NCOA2: variants seen among roughly 807,000 people sequenced by gnomAD.
The protein encoded by NCOA2 is class E basic helix-loop-helix protein 75.
A neutral mutation model predicts 145.1 loss-of-function variants in NCOA2; 21 were observed. The observed-to-expected ratio is 0.14, with a 90% CI of 0.10 to 0.21. The LOEUF (loss-of-function observed/expected upper bound fraction) is 0.21. NCOA2 is among the 10% of genes least tolerant of loss of function. NCOA2 has a pLI of 1.00. For synonymous variants in NCOA2, 619 were observed against 637.5 expected (o/e 0.97, Z 0.44); for missense variants, 1,472 against 1,837.6 (o/e 0.80, Z 3.64).
At chr8:70,132,042 C>T in intron 15 of NCOA2, 40 bp from the exon 16 acceptor site, 1 of 1,582,828 alleles carries the variant, frequency 6.3e-7, no homozygotes. Context: ...AATGGAAAAG[C>T]TAGTTGATTA....
At chr8:70,243,243 A>G (rs775694394) in intron 2 of NCOA2, among the ~76,000 whole-genome samples, 9 of 152,276 alleles carry the variant, frequency 5.9e-5, no homozygotes, top group Non-Finnish European at 1.0e-4. Context: ...TTCTGAAACA[A>G]AGGAAAATGA....
intron 11 of NCOA2, among the ~76,000 whole-genome samples, chr8:70,155,332 T>C (rs565777919): frequency 5.3e-5 from 8 of 152,178 alleles, no homozygotes; most frequent in African/African-American, 1.2e-4. Flanking sequence ...ACGACCTTCA[T>C]TGGGTTTCAA....
At chr8:70,316,573 C>T (rs1205552434) in intron 1 of NCOA2, among the ~76,000 whole-genome samples, 2 of 151,750 alleles carry the variant, frequency 1.3e-5, no homozygotes, top group African/African-American at 4.9e-5. Flanking sequence ...TACACTAGGT[C>T]CCAACAGACC....
the NCOA2 span, among the ~76,000 whole-genome samples, chr8:70,454,257 T>C: frequency 1.3e-5 from 2 of 152,238 alleles, no homozygotes; most frequent in South Asian, 4.1e-4. Context: ...TTTCCAATAA[T>C]GAGCTTTTGG....
chr8:70,235,483 C>A (rs1821512399), intron 2 of NCOA2, among the ~76,000 whole-genome samples: 1 of 152,036 alleles, frequency 6.6e-6, no homozygotes, highest in African/African-American at 2.4e-5. Flanking sequence ...TTAAAAACAT[C>A]CAAGATAACC....
chr8:70,235,436 T>A (rs1053590399), intron 2 of NCOA2, among the ~76,000 whole-genome samples: 3 of 152,220 alleles, frequency 2.0e-5, no homozygotes, highest in African/African-American at 7.2e-5. Context: ...GCAAATTGTA[T>A]GGATATTTTA....
the NCOA2 span, among the ~76,000 whole-genome samples, chr8:70,449,100 C>T: frequency 6.6e-6 from 1 of 152,184 alleles, no homozygotes; most frequent in Non-Finnish European, 1.5e-5. Flanking sequence ...ACCACAGCAC[C>T]TGGCCTACCT....
At chr8:70,210,485 C>T (rs987029095) in intron 4 of NCOA2, among the ~76,000 whole-genome samples, 1 of 152,166 alleles carries the variant, frequency 6.6e-6, no homozygotes, top group Non-Finnish European at 1.5e-5. Context: ...TCTGTTTCTA[C>T]AAAGTCCATT....
At position 70,403,733 on chromosome 8, in the gene NCOA2, TGCCGTCGGCGCTGACCTTC is replaced by T; in HGVS notation, c.-129_-111del. ...GTCGGTCACGCCGTCAGGTGCCGGC[TGCCGTCGGCGCTGACCTTC>T]GCCGCCGAAGCTGTAGCCGAGGCTG... On this transcript the variant is annotated 5_prime_UTR_variant, in exon 1 of 23. The change creates a premature stop within an existing upstream ORF in the 5' untranslated region. Coordinates refer to ENST00000452400, the MANE Select transcript of NCOA2 (RefSeq NM_006540.4). 1 of 397,162 alleles carries T rather than the reference TGCCGTCGGCGCTGACCTTC, an allele frequency of 2.5e-6. No homozygotes were observed. The highest frequency in any genetic ancestry group is 3.6e-5 in the East Asian group (1 of 28,014). 24.6% of individuals were successfully genotyped at this position (397,162 alleles called of 1,614,324 possible). A position where few individuals can be genotyped will look rare whatever the true frequency, so the allele number is the denominator to read the frequency against.
chr8:70,175,060 G>C (rs4738075), intron 4 of NCOA2, among the ~76,000 whole-genome samples: 96,640 of 152,122 alleles, frequency 0.64, 32,812 homozygotes, highest in Non-Finnish European at 0.76. Context: ...TTCACCTCTA[G>C]AACCTGTGGC....
intron 14 of NCOA2, among the ~76,000 whole-genome samples, chr8:70,139,868 G>C (rs1810183682): frequency 6.6e-6 from 1 of 151,922 alleles, no homozygotes; most frequent in African/African-American, 2.4e-5. Flanking sequence ...GGCCAGGCTG[G>C]TCTCAAACTC....
chr8:70,121,085 T>G (rs1000891803), intron 22 of NCOA2, among the ~76,000 whole-genome samples: 1 of 152,170 alleles, frequency 6.6e-6, no homozygotes, highest in African/African-American at 2.4e-5. Flanking sequence ...AAAAAAAAAT[T>G]TAGTGTTCTT....
chr8:70,178,828 G>A (rs77734474), intron 4 of NCOA2, among the ~76,000 whole-genome samples: 3,049 of 152,222 alleles, frequency 0.02, 122 homozygotes, highest in African/African-American at 0.07. Flanking sequence ...GGCTGGCATC[G>A]GGCCACTACA....
chr8:70,201,699 C>G (rs1817905314), intron 4 of NCOA2, among the ~76,000 whole-genome samples: 1 of 152,112 alleles, frequency 6.6e-6, no homozygotes, highest in African/African-American at 2.4e-5. Context: ...CTGCCCATGC[C>G]CAAACTACAG....
At chr8:70,252,738 A>G (rs995988031) in intron 2 of NCOA2, among the ~76,000 whole-genome samples, 3 of 152,194 alleles carry the variant, frequency 2.0e-5, no homozygotes, top group African/African-American at 7.2e-5. Flanking sequence ...TGAAGATTAG[A>G]CTAATTAATG....
At chr8:70,320,562 A>C (rs1310373924) in intron 1 of NCOA2, among the ~76,000 whole-genome samples, 2 of 152,164 alleles carry the variant, frequency 1.3e-5, no homozygotes, top group Non-Finnish European at 2.9e-5. Context: ...TATGAATAAA[A>C]AGCATAGGCT....
chr8:70,229,693 C>T (rs190745260), intron 2 of NCOA2, among the ~76,000 whole-genome samples: 12 of 152,246 alleles, frequency 7.9e-5, no homozygotes, highest in Admixed American at 4.6e-4. Context: ...TGAGCCAGCA[C>T]GACCCCAGAA....
At chr8:70,161,984 C>T (rs1364667694) in intron 9 of NCOA2, among the ~76,000 whole-genome samples, 1 of 151,968 alleles carries the variant, frequency 6.6e-6, no homozygotes, top group Admixed American at 6.6e-5. Flanking sequence ...ATGACAGTGA[C>T]CAAAATGAGC....
intron 1 of NCOA2, among the ~76,000 whole-genome samples, chr8:70,347,359 C>T (rs1586561030): frequency 6.6e-6 from 1 of 151,962 alleles, no homozygotes; most frequent in African/African-American, 2.4e-5. Flanking sequence ...GTGGCGGGTG[C>T]CTATAATTCC....
Sources: allele counts gnomAD v4.1 joint callset (sites outside exome capture counted in the v4.1 genomes callset), GRCh38; gene constraint gnomAD v4.1.1; transcripts MANE v1.5; gene names NCBI Gene and HGNC (gene_info 2026-07-23, HGNC 2026-07-21).